Variants in BMP6 observed in about 807,000 individuals in gnomAD.
BMP6 encodes bone morphogenetic protein 6, also known as VG-1-R.
In BMP6, 17 loss-of-function variants were observed where a neutral mutation model predicts 54.1. The ratio of observed to expected loss-of-function variants is 0.31; its 90% CI spans 0.22 to 0.47. BMP6 has a LOEUF of 0.47. Ranked by LOEUF, BMP6 falls within the 20% of genes least tolerant of loss-of-function variation. BMP6 has a pLI of 1.00. For missense variants in BMP6, 720 were observed against 690.4 expected (o/e 1.04, Z -0.48); for synonymous variants, 328 against 291.2 (o/e 1.13, Z -1.28).
intron 4 of BMP6, 45 bp from the exon 5 acceptor site, chr6:7,879,029 T>C (rs1255875390): frequency 6.4e-7 from 1 of 1,559,226 alleles, no homozygotes; most frequent in Non-Finnish European, 8.8e-7. Flanking sequence ...AATGAGTTGA[T>C]GGGTGCATCT....
Position 7,862,508 on chromosome 6 carries a change from T to G in BMP6, c.1204+10T>G. 2 of 1,613,400 alleles carry G rather than the reference T, an allele frequency of 1.2e-6. No homozygotes were observed. Among genetic ancestry groups the G allele is most frequent in the East Asian group, 4.5e-5 (2 of 44,870 alleles). The stretch of plus-strand genomic sequence containing the variant: ...GTCTCCAGTGCTTCAGGTGGGTTTG[T>G]GGGGAGCCTGTGTTTCCAGAAAGCC... On this transcript the variant is annotated intron_variant, in intron 4 of 6. Coordinates refer to ENST00000283147, the MANE Select transcript of BMP6 (RefSeq NM_001718.6).
chr6:7,746,397 T>G (rs1299036438), intron 1 of BMP6, among the ~76,000 whole-genome samples: 1 of 152,228 alleles, frequency 6.6e-6, no homozygotes, highest in Non-Finnish European at 1.5e-5. Context: ...GGAAGAGGCC[T>G]GAAATGGGAG....
chr6:7,748,975 C>G (rs1430750869), intron 1 of BMP6, among the ~76,000 whole-genome samples: 1 of 152,194 alleles, frequency 6.6e-6, no homozygotes, highest in East Asian at 1.9e-4. Flanking sequence ...CATCAGGTGT[C>G]TTGGTAAAAG....
At chr6:7,839,005 A>G (rs1415034194) in intron 1 of BMP6, among the ~76,000 whole-genome samples, 1 of 151,512 alleles carries the variant, frequency 6.6e-6, no homozygotes, top group East Asian at 1.9e-4. Context: ...TACACTCATT[A>G]TCAGGTTAAT....
chr6:7,799,591 T>A (rs1245137207), intron 1 of BMP6, among the ~76,000 whole-genome samples: 2 of 152,168 alleles, frequency 1.3e-5, no homozygotes, highest in Non-Finnish European at 2.9e-5. Flanking sequence ...ATTAGAACTA[T>A]TACTTTGAAA....
intron 1 of BMP6, among the ~76,000 whole-genome samples, chr6:7,767,466 C>T (rs76188088): frequency 5.9e-5 from 9 of 152,030 alleles, no homozygotes; most frequent in African/African-American, 1.9e-4. Context: ...TGAGATGCTT[C>T]GTAAAGTGTA....
At position 7,796,622 on chromosome 6, in the gene BMP6, C is replaced by T. The variant is rs148248492; in HGVS notation, c.665-48518C>T. Reference sequence around the variant, plus strand: ...CATCCGTATGCCCTAAACCTTACCTCTGAGGGTATCTTCATAGTGAAGAAG... The same window carrying T: ...CATCCGTATGCCCTAAACCTTACCTTTGAGGGTATCTTCATAGTGAAGAAG... On this transcript the variant is annotated intron_variant, in intron 1 of 6. Transcript: ENST00000283147. 2.4e-3 allele frequency among the ~76,000 whole-genome samples: 363 copies of T among 152,236 alleles called. 2 individuals carry two copies. Among genetic ancestry groups the T allele is most frequent in the African/African-American group, 8.4e-3 (348 of 41,546 alleles).
chr6:7,842,206 G>C (rs949387156), intron 1 of BMP6, among the ~76,000 whole-genome samples: 3 of 152,260 alleles, frequency 2.0e-5, no homozygotes, highest in East Asian at 3.9e-4. Flanking sequence ...CAGTCTTGTG[G>C]AATGACCAGG....
intron 1 of BMP6, among the ~76,000 whole-genome samples, chr6:7,814,985 A>T (rs1267691098): frequency 5.9e-5 from 9 of 152,190 alleles, no homozygotes; most frequent in African/African-American, 2.2e-4. Flanking sequence ...AAAGTAAAAT[A>T]ATAATAATTT....
intron 1 of BMP6, among the ~76,000 whole-genome samples, chr6:7,835,776 G>A (rs1758864871): frequency 1.3e-5 from 2 of 152,064 alleles, no homozygotes; most frequent in African/African-American, 4.8e-5. Flanking sequence ...AGAAGCCAAG[G>A]TCCACTACTA....
chr6:7,780,864 C>T (rs1430036375), intron 1 of BMP6, among the ~76,000 whole-genome samples: 1 of 151,964 alleles, frequency 6.6e-6, no homozygotes, highest in Non-Finnish European at 1.5e-5. Flanking sequence ...GCACCCCCTA[C>T]CACACCTGGC....
chr6:7,727,619 G>GGTAA lies in BMP6; in HGVS notation c.664+2_664+5dup, dbSNP rs746598326. The GGTAA allele has an allele frequency of 7.1e-6, 11 of 1,546,716 alleles. No individual in the cohort carries two copies. Among genetic ancestry groups the GGTAA allele is most frequent in the Non-Finnish European group, 9.5e-6 (11 of 1,155,180 alleles). On this transcript the variant is annotated frameshift_variant and splice_region_variant. Transcript: ENST00000283147. LOFTEE classifies it high-confidence loss of function. ...CATGGTCATGAGCTTTGTGAACCTGGGTAAGGATTTGGGGTAACGTAATGA... is the reference window on the plus strand; with the variant it reads ...CATGGTCATGAGCTTTGTGAACCTGGGTAAGTAAGGATTTGGGGTAACGTAATGA...
chr6:7,756,086 T>G (rs1017644473), intron 1 of BMP6, among the ~76,000 whole-genome samples: 1 of 152,138 alleles, frequency 6.6e-6, no homozygotes, highest in Non-Finnish European at 1.5e-5. Flanking sequence ...CAGAAAAATT[T>G]GGTCATTACT....
Position 7,855,415 on chromosome 6 carries a change from C to T in BMP6, c.858-6036C>T, listed in dbSNP as rs371205453. 1.9e-3 allele frequency among the ~76,000 whole-genome samples: 296 copies of T among 152,250 alleles called. 3 individuals carry two copies. Among genetic ancestry groups the T allele is most frequent in the African/African-American group, 6.8e-3 (282 of 41,540 alleles). On this transcript the variant is annotated intron_variant, in intron 2 of 6. Coordinates refer to ENST00000283147, the MANE Select transcript of BMP6 (RefSeq NM_001718.6). ...TAAGCCCCCGCAGGGGATTCTGATGCAGGCTACACTTGAGAACCACTGATA... is the reference window on the plus strand; with the variant it reads ...TAAGCCCCCGCAGGGGATTCTGATGTAGGCTACACTTGAGAACCACTGATA...
chr6:7,838,393 A>T (rs1309895844), intron 1 of BMP6, among the ~76,000 whole-genome samples: 1 of 152,150 alleles, frequency 6.6e-6, no homozygotes, highest in Non-Finnish European at 1.5e-5. Context: ...ATAACTTGAA[A>T]CCACACAATG....
In BMP6 at chr6:7,797,628, G is replaced by A. The variant is rs189321907; in HGVS notation, c.665-47512G>A. 3.9e-5 allele frequency among the ~76,000 whole-genome samples: 6 copies of A among 152,260 alleles called. No individual in the cohort carries two copies. The East Asian group carries it at 9.6e-4, about 24-fold the overall frequency. On this transcript the variant is annotated intron_variant, in intron 1 of 6. Coordinates refer to ENST00000283147, the MANE Select transcript of BMP6 (RefSeq NM_001718.6). ...TGTTCTCATTGGACATTATTCACAA[G>A]CATACTTTTGATTTATTTTTCTCAG...
chr6:7,729,266 T>A (rs2113099537), intron 1 of BMP6, among the ~76,000 whole-genome samples: 1 of 152,360 alleles, frequency 6.6e-6, no homozygotes. Context: ...CTGCTGCTTC[T>A]GACTTAGTAA....
chr6:7,855,022 T>C (rs1759203531), intron 2 of BMP6, among the ~76,000 whole-genome samples: 1 of 152,200 alleles, frequency 6.6e-6, no homozygotes, highest in African/African-American at 2.4e-5. Flanking sequence ...ACTGATACTT[T>C]GGACTCGATC....
At chr6:7,857,994 C>A (rs1759274459) in intron 2 of BMP6, among the ~76,000 whole-genome samples, 1 of 152,182 alleles carries the variant, frequency 6.6e-6, no homozygotes, top group Non-Finnish European at 1.5e-5. Flanking sequence ...CACTATGCCA[C>A]CATCTACAGC....
Sources: gnomAD v4.1 joint callset for allele counts (sites outside exome capture counted in the v4.1 genomes callset) on GRCh38, gnomAD v4.1.1 for gene constraint, MANE v1.5 for transcripts, NCBI Gene and HGNC (gene_info 2026-07-23, HGNC 2026-07-21) for gene names.